Variants in RNPS1 observed in about 807,000 individuals in gnomAD.
The protein encoded by RNPS1 is RNA binding protein with serine rich domain 1.
For synonymous variants in RNPS1, 147 were observed against 150.0 expected (o/e 0.98, Z 0.15); for missense variants, 300 against 427.6 (o/e 0.70, Z 2.63).
chr16:2,264,034 G>A lies in RNPS1; in HGVS notation c.227+142C>T, dbSNP rs1463585223. The A allele has an allele frequency of 2.9e-6, 3 of 1,018,120 alleles. No homozygotes were observed. The African/African-American group carries it at 4.8e-5, about 16-fold the overall frequency. 63.1% of individuals were successfully genotyped at this position (1,018,120 alleles called of 1,614,324 possible). On this transcript the variant is annotated intron_variant, in intron 3 of 7. Coordinates refer to ENST00000320225, the MANE Select transcript of RNPS1 (RefSeq NM_080594.4). The stretch of plus-strand genomic sequence containing the variant: ...CATGAGCCACCACTGCACCTAGCCA[G>A]TCTGCCATAAATTAGGGTCTCTACT...
chr16:2,260,884 A>C (rs1404545324), intron 6 of RNPS1, among the ~76,000 whole-genome samples: 1 of 152,202 alleles, frequency 6.6e-6, no homozygotes, highest in Non-Finnish European at 1.5e-5. Flanking sequence ...TAATCCCAGC[A>C]CTTTGGGAGG....
chr16:2,265,527 C>G (rs2093621829), intron 1 of RNPS1: 1 of 151,514 alleles, frequency 6.6e-6, no homozygotes, highest in Non-Finnish European at 1.5e-5. Context: ...CTCTGTCACC[C>G]AGGCTGGAGT....
In RNPS1 at chr16:2,263,805, G is replaced by T. The variant is rs1459946308; in HGVS notation, c.227+371C>A. 5 of 270,748 alleles carry T rather than the reference G, an allele frequency of 1.8e-5. No individual in the cohort carries two copies. The East Asian group carries it at 5.0e-4, about 27-fold the overall frequency. The allele number at this position is 270,748 out of a possible 1,614,324, so 16.8% of individuals were successfully genotyped here. A position where few individuals can be genotyped will look rare whatever the true frequency, so the allele number is the denominator to read the frequency against. Reference sequence around the variant, plus strand: ...TTTTGTTTATTTTCCTCAAACTCCTGGGCTCAAGCCATCCTCTTGCCTCAG... The same window carrying T: ...TTTTGTTTATTTTCCTCAAACTCCTTGGCTCAAGCCATCCTCTTGCCTCAG... On this transcript the variant is annotated intron_variant, in intron 3 of 7. Coordinates refer to ENST00000320225, the MANE Select transcript of RNPS1 (RefSeq NM_080594.4).
intron 1 of RNPS1, chr16:2,266,582 C>G: frequency 2.0e-6 from 2 of 985,138 alleles, no homozygotes; most frequent in Non-Finnish European, 2.4e-6. Flanking sequence ...ATGTTAGGAG[C>G]AAGAGTTGTA....
At chr16:2,263,404 C>G in intron 3 of RNPS1, 117 bp from the exon 4 acceptor site, 1 of 971,782 alleles carries the variant, frequency 1.0e-6, no homozygotes, top group Non-Finnish European at 1.6e-6. Context: ...GCCTCCAGGC[C>G]TCACTGCTTT....
chr16:2,264,878 G>T, intron 1 of RNPS1, 118 bp from the exon 2 acceptor site: 1 of 770,156 alleles, frequency 1.3e-6, no homozygotes, highest in Non-Finnish European at 1.9e-6. Flanking sequence ...AGCAATAAGT[G>T]TCCACACAGT....
chr16:2,266,300 C>G, intron 1 of RNPS1: 2 of 985,416 alleles, frequency 2.0e-6, no homozygotes, highest in Non-Finnish European at 2.4e-6. Context: ...CTGCTCTTGT[C>G]CAGGGGTAAA....
In RNPS1 at chr16:2,263,079, A is replaced by C. The variant is rs1428734320; in HGVS notation, c.419+17T>G. On this transcript the variant is annotated intron_variant, in intron 4 of 7. Coordinates refer to ENST00000320225, the MANE Select transcript of RNPS1 (RefSeq NM_080594.4). ...CCCGAGCTTGTAAACTTTAGCTCCC[A>C]GGCGCAGGGCACTCACTTGGAGCGG... 4 of 1,609,112 alleles carry C rather than the reference A, an allele frequency of 2.5e-6. No individual in the cohort carries two copies. Among genetic ancestry groups the C allele is most frequent in the Admixed American group, 1.7e-5 (1 of 59,680 alleles).
chr16:2,267,144 T>C, intron 1 of RNPS1: 2 of 975,856 alleles, frequency 2.0e-6, no homozygotes, highest in Non-Finnish European at 2.4e-6. Context: ...GGTCGAGTGC[T>C]AGAAAGCAAA....
rs1482864682 is a variant in RNPS1, at chr16:2,253,719, T to C, written c.*245A>G. 1.6e-6 allele frequency: 1 copy of C among 623,634 alleles called. No homozygotes were observed. The highest frequency in any genetic ancestry group is 1.8e-5 in the South Asian group (1 of 55,604). 38.6% of individuals were successfully genotyped at this position (623,634 alleles called of 1,614,324 possible). A position where few individuals can be genotyped will look rare whatever the true frequency, so the allele number is the denominator to read the frequency against. The stretch of plus-strand genomic sequence containing the variant: ...GTGGCTCTGCCACTGAACTGACTCT[T>C]AGAAACCGGAAACGGATGAGCTTTC... On this transcript the variant is annotated 3_prime_UTR_variant, in exon 8 of 8. Coordinates refer to ENST00000320225, the MANE Select transcript of RNPS1 (RefSeq NM_080594.4).
chr16:2,256,523 A>C (rs377576828), intron 6 of RNPS1: 1 of 152,194 alleles, frequency 6.6e-6, no homozygotes, highest in East Asian at 1.9e-4. Flanking sequence ...ATGCCACGGC[A>C]CTCTAGCCTG....
At chr16:2,261,560 G>A (rs12103186) in intron 6 of RNPS1, among the ~76,000 whole-genome samples, 1 of 152,344 alleles carries the variant, frequency 6.6e-6, no homozygotes, top group East Asian at 1.9e-4. Context: ...ATTGTGGCAG[G>A]CCAGGTCTCA....
At chr16:2,267,131 T>C (rs1413195399) in intron 1 of RNPS1, 1 of 938,696 alleles carries the variant, frequency 1.1e-6, no homozygotes, top group African/African-American at 1.8e-5. Flanking sequence ...CCTTGCTGGG[T>C]GCGGTCGAGT....
intron 3 of RNPS1, 175 bp downstream of exon 3, chr16:2,264,001 A>T: frequency 1.4e-6 from 1 of 728,328 alleles, no homozygotes; most frequent in South Asian, 1.9e-5. Context: ...AAGTGCTGGG[A>T]TTATAGGCAT....
At chr16:2,256,876 G>A (rs868391863) in intron 6 of RNPS1, 11 of 152,396 alleles carry the variant, frequency 7.2e-5, no homozygotes, top group Admixed American at 2.0e-4. Context: ...GATTTGGCAG[G>A]GAAACGGAAG....
intron 1 of RNPS1, chr16:2,266,280 G>A (rs1037334413): frequency 2.1e-5 from 21 of 985,414 alleles, no homozygotes; most frequent in Non-Finnish European, 2.5e-5. Flanking sequence ...AGGGCCGAAC[G>A]CCACCTTTGC....
At chr16:2,265,782 C>T (rs1437599709) in intron 1 of RNPS1, 1 of 152,198 alleles carries the variant, frequency 6.6e-6, no homozygotes, top group African/African-American at 2.4e-5. Context: ...CAGACCCGGC[C>T]CTTAAGTGGT....
chr16:2,255,202 C>A (rs1289050526), intron 7 of RNPS1, among the ~76,000 whole-genome samples: 2 of 152,240 alleles, frequency 1.3e-5, no homozygotes, highest in African/African-American at 4.8e-5. Flanking sequence ...GAAGACCAAA[C>A]TGTGGCCTCT....
chr16:2,267,583 G>T (rs1169053014), intron 1 of RNPS1: 1 of 1,061,256 alleles, frequency 9.4e-7, no homozygotes, highest in African/African-American at 1.7e-5. Flanking sequence ...ACCTTCCACC[G>T]CATCCCACAA....
Sources: gnomAD v4.1 joint callset for allele counts (sites outside exome capture counted in the v4.1 genomes callset) on GRCh38, gnomAD v4.1.1 for gene constraint, MANE v1.5 for transcripts, NCBI Gene and HGNC (gene_info 2026-07-23, HGNC 2026-07-21) for gene names.